The following FLNB variants were observed in gnomAD, a reference collection of about 807,000 sequenced individuals.
FLNB encodes filamin B.
A neutral mutation model predicts 250.6 loss-of-function variants in FLNB; 111 were observed. That is an observed-to-expected ratio of 0.44 (90% CI 0.38 to 0.52). FLNB has a LOEUF of 0.52. Ranked by LOEUF, FLNB falls within the 20% of genes least tolerant of loss-of-function variation. FLNB has a pLI of 0.00. For missense variants in FLNB, 2,869 were observed against 3,447.8 expected (o/e 0.83, Z 4.20); for synonymous variants, 1,302 against 1,372.1 (o/e 0.95, Z 1.13).
chr3:58,054,677 C>T (rs947191405), intron 1 of FLNB, among the ~76,000 whole-genome samples: 20 of 152,122 alleles, frequency 1.3e-4, no homozygotes, highest in Non-Finnish European at 1.8e-4. Flanking sequence ...TCAATTACCT[C>T]CCACCAGGTC....
At chr3:58,038,096 C>T (rs1214798676) in intron 1 of FLNB, among the ~76,000 whole-genome samples, 1 of 152,134 alleles carries the variant, frequency 6.6e-6, no homozygotes, top group Admixed American at 6.5e-5. Flanking sequence ...ATGGCATGAT[C>T]TCGGCTCATT....
intron 1 of FLNB, among the ~76,000 whole-genome samples, chr3:58,042,130 G>A (rs762821160): frequency 3.3e-5 from 5 of 152,112 alleles, no homozygotes; most frequent in Non-Finnish European, 7.3e-5. Flanking sequence ...TGCAACCTAG[G>A]TTGAACAAGT....
chr3:58,124,265 T>G (rs2097293971), intron 21 of FLNB, 67 bp from the exon 22 acceptor site: 1 of 1,540,470 alleles, frequency 6.5e-7, no homozygotes, highest in Non-Finnish European at 9.0e-7. Flanking sequence ...CCAAGAACCT[T>G]GGTTCTGGGG....
Position 58,169,906 on chromosome 3 carries a change from A to G in FLNB, c.7621+113A>G. 1 of 724,370 alleles carries G rather than the reference A, an allele frequency of 1.4e-6. No homozygotes were observed. 44.9% of individuals were successfully genotyped at this position (724,370 alleles called of 1,614,324 possible). ...TGCAGTGCCCACCCCCATGTAGGCC[A>G]GCCGTTTGCAAGTAACCATCGTCAT... On this transcript the variant is annotated intron_variant, in intron 45 of 45. Coordinates refer to ENST00000295956, the MANE Select transcript of FLNB (RefSeq NM_001457.4). This position sits in a 1 kb window ranked among gnomAD's most constrained non-coding sequence, Gnocchi z 4.8.
At chr3:58,105,271 C>T (rs2107099739) in intron 11 of FLNB, 55 bp downstream of exon 11, 1 of 1,611,238 alleles carries the variant, frequency 6.2e-7, no homozygotes, top group Non-Finnish European at 8.5e-7. Context: ...TACAGGGCTT[C>T]CGGGCTGTGT....
intron 38 of FLNB, chr3:58,152,660 T>C: frequency 2.2e-6 from 2 of 898,310 alleles, no homozygotes; most frequent in Non-Finnish European, 3.1e-6. Flanking sequence ...TTCAGTTCAT[T>C]ACATGGGTGA....
Position 58,169,626 on chromosome 3 carries a change from C to T in FLNB, c.7454C>T (p.Thr2485Ile), listed in dbSNP as rs749597009. 16 of 1,614,064 alleles carry T rather than the reference C, an allele frequency of 9.9e-6. No homozygotes were observed. In the African/African-American group the frequency reaches 1.9e-4, roughly 19 times the overall value. ...RLVSPGSANE[T>I]SSILVESVTR... is the part of the protein sequence containing the mutation. ...GTTAGCCCTGGCTCAGCCAACGAGACCTCATCCATCCTGGTGGAGTCAGTG... is the reference window on the plus strand; with the variant it reads ...GTTAGCCCTGGCTCAGCCAACGAGATCTCATCCATCCTGGTGGAGTCAGTG... The change falls in exon 45 of 46, where the codon ACC becomes ATC. Residue 2485 changes from threonine (T) to isoleucine (I), a missense_variant. This residue lies in a region of FLNB where 1,084 missense variants were observed against 1,315.5 expected (regional missense o/e 0.82). Transcript: ENST00000295956. The surrounding 1 kb of genome is among the most constrained non-coding windows in gnomAD (Gnocchi z 4.8).
At chr3:58,120,137 G>A (rs1220163271) in intron 19 of FLNB, among the ~76,000 whole-genome samples, 2 of 152,168 alleles carry the variant, frequency 1.3e-5, no homozygotes, top group Non-Finnish European at 1.5e-5. Context: ...TCCTTCACTC[G>A]TGACCCAAGT....
intron 1 of FLNB, among the ~76,000 whole-genome samples, chr3:58,042,807 A>C (rs966920759): frequency 1.3e-5 from 2 of 152,130 alleles, no homozygotes; most frequent in Non-Finnish European, 2.9e-5. Context: ...CGCCTGGGCT[A>C]GTCATTATAG....
chr3:58,084,366 G>GT (rs561889408), intron 4 of FLNB, among the ~76,000 whole-genome samples: 69 of 152,238 alleles, frequency 4.5e-4, no homozygotes, highest in Admixed American at 1.4e-3. Context: ...AAGGCATAGT[G>GT]TATGTTTGTA....
intron 1 of FLNB, among the ~76,000 whole-genome samples, chr3:58,048,250 G>T (rs4681780): frequency 0.45 from 68,375 of 151,932 alleles, 16,540 homozygotes; most frequent in African/African-American, 0.63. Flanking sequence ...TTTCGTGACC[G>T]TGTCATTTTT....
chr3:58,034,161 G>A (rs1159963133), intron 1 of FLNB, among the ~76,000 whole-genome samples: 2 of 152,092 alleles, frequency 1.3e-5, no homozygotes, highest in African/African-American at 2.4e-5. Context: ...ACGCCTGGCC[G>A]GGTGGTTTCT....
intron 39 of FLNB, among the ~76,000 whole-genome samples, chr3:58,153,850 A>G (rs1186454557): frequency 6.6e-6 from 1 of 152,214 alleles, no homozygotes; most frequent in Non-Finnish European, 1.5e-5. Flanking sequence ...CAGGTTTCTT[A>G]CTGGGAGCCT....
intron 1 of FLNB, among the ~76,000 whole-genome samples, chr3:58,050,650 G>T (rs2097160919): frequency 6.6e-6 from 1 of 152,158 alleles, no homozygotes; most frequent in Non-Finnish European, 1.5e-5. Context: ...CAGATGGGAG[G>T]CACTGAGCTT....
rs3772996 is a variant in FLNB, at chr3:58,097,231, A to G, written c.985-584A>G. Among the ~76,000 whole-genome samples, 547 of 152,318 alleles carry G rather than the reference A, an allele frequency of 3.6e-3. 16 individuals are homozygous for G. The East Asian group carries it at 0.054, about 15-fold the overall frequency. ...TAGCGTTCTCTTAGACTCTTAGACTATGATGCATTTGGAGTAAATGCTCTT... is the reference window on the plus strand; with the variant it reads ...TAGCGTTCTCTTAGACTCTTAGACTGTGATGCATTTGGAGTAAATGCTCTT... On this transcript the variant is annotated intron_variant, in intron 6 of 45. Transcript: ENST00000295956.
chr3:58,142,775 G>T lies in FLNB; in HGVS notation c.5284+23G>T. 6.3e-7 allele frequency: 1 copy of T among 1,593,604 alleles called. No individual in the cohort carries two copies. The highest frequency in any genetic ancestry group is 8.6e-7 in the Non-Finnish European group (1 of 1,161,518). On this transcript the variant is annotated intron_variant, in intron 31 of 45. Transcript: ENST00000295956. This position sits in a 1 kb window ranked among gnomAD's most constrained non-coding sequence, Gnocchi z 4.3. ...CTGGTAAGCACTTGCCATAAAGGCC[G>T]TCTCATTCTCACTTGCTCTCACGAG...
intron 4 of FLNB, among the ~76,000 whole-genome samples, chr3:58,085,286 A>T (rs1215432778): frequency 6.6e-6 from 1 of 152,068 alleles, no homozygotes; most frequent in Non-Finnish European, 1.5e-5. Context: ...AGTAGGAGAC[A>T]AAATGGTCAT....
At chr3:58,120,039 T>G (rs958117511) in intron 19 of FLNB, among the ~76,000 whole-genome samples, 2 of 152,248 alleles carry the variant, frequency 1.3e-5, no homozygotes, top group African/African-American at 4.8e-5. Flanking sequence ...GAGGCAGGGC[T>G]GAGTGCATAC....
rs1208074985 is a variant in FLNB at position 58,125,760 on chromosome 3, A to G, written c.4061+17A>G. Reference sequence around the variant, plus strand: ...GGTTACCAGGTAGGCAAGGCCCTACATTTGGTGTCTTGAGTCTCACTTTTG... The same window carrying G: ...GGTTACCAGGTAGGCAAGGCCCTACGTTTGGTGTCTTGAGTCTCACTTTTG... On this transcript the variant is annotated intron_variant, in intron 23 of 45. Coordinates refer to ENST00000295956, the MANE Select transcript of FLNB (RefSeq NM_001457.4). The G allele has an allele frequency of 1.9e-6, 3 of 1,613,558 alleles. No homozygotes were observed. Among genetic ancestry groups the G allele is most frequent in the Non-Finnish European group, 2.5e-6 (3 of 1,179,616 alleles).
Sources: gnomAD v4.1 joint callset for allele counts (sites outside exome capture counted in the v4.1 genomes callset) on GRCh38, gnomAD v4.1.1 for gene constraint, gnomAD v4.1.1 regional missense constraint, Gnocchi (gnomAD v3.1) non-coding constraint, MANE v1.5 for transcripts, NCBI Gene and HGNC (gene_info 2026-07-23, HGNC 2026-07-21) for gene names.